The following ADNP variants were observed in gnomAD, a reference collection of about 807,000 sequenced individuals.
The protein encoded by ADNP is activity dependent neuroprotector homeobox.
ADNP carries 4 observed loss-of-function variants against 84.9 expected under a neutral mutation model. That is an observed-to-expected ratio of 0.05 (90% CI 0.02 to 0.11). ADNP has a LOEUF of 0.11. Among genes scored for constraint, ADNP ranks in the 10% least tolerant of loss-of-function variants. The pLI is 1.00. For synonymous variants in ADNP, 554 were observed against 468.1 expected (o/e 1.18, Z -2.37); for missense variants, 1,132 against 1,326.0 (o/e 0.85, Z 2.27).
In ADNP at chr20:50,902,239, C is replaced by A. The variant is rs1982058174; in HGVS notation, c.109-130G>T. On this transcript the variant is annotated intron_variant, in intron 4 of 5. Coordinates refer to ENST00000621696, the MANE Select transcript of ADNP (RefSeq NM_001282531.3). The stretch of plus-strand genomic sequence containing the variant: ...AAACCAACGTCAACAAGGACTTAAA[C>A]TAGGAGTGATAAGGCTCTTAAATAT... 4 of 642,520 alleles carry A rather than the reference C, an allele frequency of 6.2e-6. No individual in the cohort carries two copies. The South Asian group carries it at 7.6e-5, about 12-fold the overall frequency. The allele number at this position is 642,520 out of a possible 1,614,324, so 39.8% of individuals were successfully genotyped here. A position where few individuals can be genotyped will look rare whatever the true frequency, so the allele number is the denominator to read the frequency against.
chr20:50,901,033 C>T (rs1474774059), intron 5 of ADNP, among the ~76,000 whole-genome samples: 1 of 152,112 alleles, frequency 6.6e-6, no homozygotes, highest in East Asian at 1.9e-4. Context: ...TATCAAAGAG[C>T]AACTTTCAGA....
At chr20:50,918,084 A>AGGAGTTATTGTTTAACAG (rs1491229629) in intron 2 of ADNP, among the ~76,000 whole-genome samples, 31 of 152,330 alleles carry the variant, frequency 2.0e-4, no homozygotes, top group Non-Finnish European at 2.9e-5. Flanking sequence ...TAACAGGTAT[A>AGGAGTTATTGTTTAACAG]GAGTTTCAGT....
intron 2 of ADNP, among the ~76,000 whole-genome samples, chr20:50,911,358 G>C (rs1306094965): frequency 6.6e-6 from 1 of 152,088 alleles, no homozygotes; most frequent in Non-Finnish European, 1.5e-5. Context: ...TTTCTATCTT[G>C]AGTTGATTTC....
chr20:50,891,636 C>A lies in ADNP; in HGVS notation c.3078G>T (p.Leu1026Phe), dbSNP rs1374208490. 1 of 1,614,204 alleles carries A rather than the reference C, an allele frequency of 6.2e-7. No homozygotes were observed. The highest frequency in any genetic ancestry group is 1.7e-5 in the Admixed American group (1 of 60,020). The stretch of plus-strand genomic sequence containing the variant: ...TTCCATAGGAACTATTCTTCCATTT[C>A]AACTGCTCTCTGTCACCTTGCATGG... The part of the protein sequence containing the change: ...KATMQGDREQ[L>F]KWKNSSYGKV... The change falls in exon 6 of 6, where the codon TTG (leucine) becomes TTT (phenylalanine). Residue 1026 changes from leucine (L) to phenylalanine (F), a missense_variant. Leu to Phe is a conservative substitution (Grantham distance 22). This residue lies in a region of ADNP where 381 missense variants were observed against 319.9 expected (regional missense o/e 1.19). Transcript: ENST00000621696.
chr20:50,904,164 T>G, intron 3 of ADNP, 163 bp from the exon 4 acceptor site: 1 of 602,282 alleles, frequency 1.7e-6, no homozygotes. Context: ...TGCTTTCATG[T>G]GCATATGGCT....
chr20:50,893,718 A>G lies in ADNP; in HGVS notation c.996T>C (p.Tyr332=). 2 of 1,614,110 alleles carry G rather than the reference A, an allele frequency of 1.2e-6. No homozygotes were observed. Among genetic ancestry groups the G allele is most frequent in the Non-Finnish European group, 8.5e-7 (1 of 1,180,034 alleles). Residue 332 remains tyrosine (Y), a synonymous_variant, in exon 6 of 6, where the codon TAT becomes TAC. Coordinates refer to ENST00000621696, the MANE Select transcript of ADNP (RefSeq NM_001282531.3). This position sits in a 1 kb window ranked among gnomAD's most constrained non-coding sequence, Gnocchi z 4.4. The part of the protein sequence containing the change: ...MSSVHLQQNN[Y]GVKSVGQGYS... The stretch of plus-strand genomic sequence containing the variant: ...AACCCTGGCCTACAGATTTGACTCC[A>G]TAGTTGTTCTGCTGCAGATGAACAC...
In ADNP at chr20:50,891,872, G is replaced by C; in HGVS notation, c.2842C>G (p.Leu948Val). 2 of 1,614,226 alleles carry C rather than the reference G, an allele frequency of 1.2e-6. No individual in the cohort carries two copies. Residue 948 changes from leucine to valine, a missense_variant, in exon 6 of 6, where the codon CTA becomes GTA. Physicochemically the swap from Leu to Val is conservative, Grantham distance 32 (BLOSUM62 1). Transcript: ENST00000621696. Reference sequence around the variant, plus strand: ...TCACTATCAGATGCATTGTGCATTAGTTTGGTTGGTTCCTCAGTCAAATGA... The same window carrying C: ...TCACTATCAGATGCATTGTGCATTACTTTGGTTGGTTCCTCAGTCAAATGA... ...TIHLTEEPTKLMHNASDSEVD... is the reference protein window; with the variant it reads ...TIHLTEEPTKVMHNASDSEVD...
chr20:50,898,040 G>C (rs897421306), intron 5 of ADNP, among the ~76,000 whole-genome samples: 2 of 152,172 alleles, frequency 1.3e-5, no homozygotes, highest in Non-Finnish European at 1.5e-5. Flanking sequence ...AAGCAAGACT[G>C]TCATCCAGTC....
chr20:50,907,033 T>C (rs938836850), intron 2 of ADNP, among the ~76,000 whole-genome samples: 1 of 144,170 alleles, frequency 6.9e-6, no homozygotes, highest in Non-Finnish European at 1.5e-5. Context: ...AGTGTCACGA[T>C]CTTGGCTCAC....
intron 1 of ADNP, 58 bp downstream of exon 1, chr20:50,930,768 G>A (rs1296796832): frequency 6.6e-6 from 1 of 150,944 alleles, no homozygotes; most frequent in African/African-American, 2.4e-5. Context: ...CGCGGGCCGG[G>A]GTCGGGAAGC....
At chr20:50,899,789 T>TA (rs35430512) in intron 5 of ADNP, among the ~76,000 whole-genome samples, 1,966 of 130,820 alleles carry the variant, frequency 0.015, 10 homozygotes, top group African/African-American at 0.021. Flanking sequence ...TTTAAAAAGT[T>TA]AAAAAAAAAA....
At chr20:50,908,074 AT>A (rs1162312323) in intron 2 of ADNP, among the ~76,000 whole-genome samples, 5 of 148,020 alleles carry the variant, frequency 3.4e-5, no homozygotes, top group African/African-American at 1.2e-4. Context: ...TTTCTCTAAG[AT>A]TTTCTCCATT....
chr20:50,922,308 TCTC>T (rs1246687851), intron 2 of ADNP, among the ~76,000 whole-genome samples: 3 of 152,122 alleles, frequency 2.0e-5, no homozygotes. Context: ...AAAACTGCTC[TCTC>T]CTTCTTCAGA....
chr20:50,930,590 G>A (rs950911492), intron 1 of ADNP, among the ~76,000 whole-genome samples: 9 of 152,146 alleles, frequency 5.9e-5, no homozygotes, highest in African/African-American at 1.9e-4. Flanking sequence ...AGGGGGTCGG[G>A]CTGCAGGAGG....
At chr20:50,909,006 A>C (rs1043534369) in intron 2 of ADNP, among the ~76,000 whole-genome samples, 1 of 151,854 alleles carries the variant, frequency 6.6e-6, no homozygotes, top group African/African-American at 2.4e-5. Flanking sequence ...ATTGTCCCAG[A>C]GATGGGTTTT....
intron 2 of ADNP, among the ~76,000 whole-genome samples, chr20:50,905,733 C>T (rs184325848): frequency 5.9e-5 from 9 of 152,306 alleles, no homozygotes; most frequent in Admixed American, 2.6e-4. Flanking sequence ...TATGGTGTCC[C>T]CTGCTCTCTC....
rs781626788 is a variant in ADNP, at chr20:50,892,478, G to C, written c.2236C>G (p.Pro746Ala). 3 of 1,614,048 alleles carry C rather than the reference G, an allele frequency of 1.9e-6. No individual in the cohort carries two copies. Among genetic ancestry groups the C allele is most frequent in the South Asian group, 1.1e-5 (1 of 91,086 alleles). Residue 746 changes from proline (P) to alanine (A), a missense_variant, in exon 6 of 6, where the codon CCT becomes GCT. Around this residue, in one of 10 missense-constraint regions of ADNP, gnomAD observed 101 missense variants for 78.5 expected, o/e 1.29. Transcript: ENST00000621696. Reference protein sequence around the residue: ...SDSPSFFEEKPEEPVVLALDP... With the variant: ...SDSPSFFEEKAEEPVVLALDP... ...AAAGCTAAAACAACAGGCTCTTCAG[G>C]CTTCTCTTCAAAGAAGCTGGGTGAA...
rs1466926333 is a variant in ADNP at position 50,931,102 on chromosome 20, GGC to G, written c.-543_-542del. 1 of 151,442 alleles carries G rather than the reference GGC, an allele frequency of 6.6e-6. No homozygotes were observed. Among genetic ancestry groups the G allele is most frequent in the East Asian group, 2.0e-4 (1 of 5,076 alleles). 9.4% of individuals were successfully genotyped at this position (151,442 alleles called of 1,614,324 possible). On this transcript the variant is annotated 5_prime_UTR_variant, in exon 1 of 6. Transcript: ENST00000621696. ...GGGAGGAGACGGAGGGTGTGGGAGA[GGC>G]GGCTTCACCGGCGCGGGCGGCGGCG...
chr20:50,906,712 G>A (rs1406251417), intron 2 of ADNP, among the ~76,000 whole-genome samples: 1 of 152,148 alleles, frequency 6.6e-6, no homozygotes, highest in African/African-American at 2.4e-5. Flanking sequence ...CTCACTGCCT[G>A]GTAGGTATTT....
Sources: gnomAD v4.1 joint callset for allele counts (sites outside exome capture counted in the v4.1 genomes callset) on GRCh38, gnomAD v4.1.1 for gene constraint, gnomAD v4.1.1 regional missense constraint, Gnocchi (gnomAD v3.1) non-coding constraint, MANE v1.5 for transcripts, NCBI Gene and HGNC (gene_info 2026-07-23, HGNC 2026-07-21) for gene names.